PRDM2: variants seen among roughly 807,000 people sequenced by gnomAD.
PRDM2 encodes the protein PR domain zinc finger protein 2.
PRDM2 carries 30 observed loss-of-function variants against 130.0 expected under a neutral mutation model. That is an observed-to-expected ratio of 0.23 (90% CI 0.17 to 0.31). The LOEUF is 0.31. Among genes scored for constraint, PRDM2 ranks in the 10% least tolerant of loss-of-function variants. The pLI is 1.00. For missense variants in PRDM2, 2,011 were observed against 2,108.4 expected (o/e 0.95, Z 0.90); for synonymous variants, 871 against 782.4 (o/e 1.11, Z -1.89).
chr1:13,780,617 C>T lies in PRDM2; in HGVS notation c.2822C>T (p.Thr941Ile), dbSNP rs112801771. 1,834 of 1,613,970 alleles carry T rather than the reference C, an allele frequency of 1.1e-3. 24 individuals are homozygous for T. In the African/African-American group the frequency reaches 0.021, roughly 18 times the overall value. Residue 941 changes from threonine to isoleucine, a missense_variant, in exon 8 of 10, where the codon ACA (threonine) becomes ATA (isoleucine). Coordinates refer to ENST00000311066, the MANE Select transcript of PRDM2 (RefSeq NM_001393986.1). ...SGFPAPTVES[T>I]PDVCPSSPAL... ...TTCCCTGCCCCTACTGTTGAGTCCACACCTGATGTTTGTCCTTCATCACCT... is the reference window on the plus strand; with the variant it reads ...TTCCCTGCCCCTACTGTTGAGTCCATACCTGATGTTTGTCCTTCATCACCT...
chr1:13,728,478 C>T (rs1642997648), intron 2 of PRDM2, among the ~76,000 whole-genome samples: 1 of 152,180 alleles, frequency 6.6e-6, no homozygotes, highest in African/African-American at 2.4e-5. Flanking sequence ...ATAGCCACGG[C>T]CATGGAGAGT....
In PRDM2 at chr1:13,773,140, A is replaced by ACAAGTGAGCC. The variant is rs1477334962; in HGVS notation, c.575_584dup (p.Asp196LysfsTer2). 1 of 1,579,194 alleles carries ACAAGTGAGCC rather than the reference A, an allele frequency of 6.3e-7. No individual in the cohort carries two copies. The highest frequency in any genetic ancestry group is 8.6e-7 in the Non-Finnish European group (1 of 1,167,060). ...CAAAATCCAAGACATACAACTGAAG[A>ACAAGTGAGCC]CAAGTGAGCCAGATTTCACCTCTGC... is the stretch of plus-strand genomic sequence containing the variant. On this transcript the variant is annotated frameshift_variant, in exon 7 of 10. Transcript: ENST00000311066. LOFTEE classifies it high-confidence loss of function.
In PRDM2 at chr1:13,742,045, C is replaced by G. The variant is rs146971236; in HGVS notation, c.272C>G (p.Thr91Ser). Residue 91 changes from threonine to serine, a missense_variant, in exon 5 of 10, where the codon ACT becomes AGT. This residue lies in a region of PRDM2 where 1,288 missense variants were observed against 1,237.7 expected (regional missense o/e 1.04). Transcript: ENST00000311066. ...TTGGGATGGATGTGCATTGATGCCACTGATCCAGAGAAGGGAAACTGGCTG... is the reference window on the plus strand; with the variant it reads ...TTGGGATGGATGTGCATTGATGCCAGTGATCCAGAGAAGGGAAACTGGCTG... The part of the protein sequence containing the change: ...PNLGWMCIDA[T>S]DPEKGNWLRY... 33 of 1,595,004 alleles carry G rather than the reference C, an allele frequency of 2.1e-5. No homozygotes were observed. In the African/African-American group the frequency reaches 4.3e-4, roughly 21 times the overall value.
chr1:13,716,459 A>G (rs1468195687), intron 2 of PRDM2, among the ~76,000 whole-genome samples: 2 of 152,232 alleles, frequency 1.3e-5, no homozygotes. Context: ...ATAATAAAAA[A>G]ATAAAAAAAA....
intron 6 of PRDM2, chr1:13,772,355 G>A (rs1644378867): frequency 1.3e-5 from 2 of 152,182 alleles, no homozygotes; most frequent in African/African-American, 2.4e-5. Context: ...TCCAACTTAT[G>A]AGAACGATGT....
chr1:13,775,906 T>G (rs894648142), intron 7 of PRDM2, among the ~76,000 whole-genome samples: 5 of 152,146 alleles, frequency 3.3e-5, no homozygotes, highest in African/African-American at 1.2e-4. Flanking sequence ...CAGATGGCAG[T>G]CTCCTGCTTT....
At chr1:13,793,705 C>T (rs1168583520) in intron 8 of PRDM2, among the ~76,000 whole-genome samples, 1 of 152,162 alleles carries the variant, frequency 6.6e-6, no homozygotes, top group Admixed American at 6.5e-5. Flanking sequence ...TGAGTCCCGG[C>T]TCATGGAGAG....
intron 6 of PRDM2, among the ~76,000 whole-genome samples, chr1:13,751,636 G>A (rs1160723270): frequency 1.3e-5 from 2 of 150,900 alleles, no homozygotes; most frequent in Admixed American, 6.6e-5. Flanking sequence ...CAACATAAAT[G>A]TCATTCAGAG....
chr1:13,733,471 G>C (rs142929567), intron 4 of PRDM2, among the ~76,000 whole-genome samples: 9 of 152,182 alleles, frequency 5.9e-5, no homozygotes, highest in African/African-American at 2.2e-4. Context: ...TCCCTGGGGG[G>C]CTCCACCCGG....
At position 13,810,379 on chromosome 1, in the gene PRDM2, C is replaced by A. The variant is rs528087215; in HGVS notation, c.5037-6048C>A. On this transcript the variant is annotated intron_variant, in intron 8 of 9. Coordinates refer to ENST00000311066, the MANE Select transcript of PRDM2 (RefSeq NM_001393986.1). ...ACAGCTCTTTTCTTCCTCTTCTATTCATTTTGCTGCTTCTGATTGGCTGTG... is the reference window on the plus strand; with the variant it reads ...ACAGCTCTTTTCTTCCTCTTCTATTAATTTTGCTGCTTCTGATTGGCTGTG... Among the ~76,000 whole-genome samples, 3 of 152,308 alleles carry A rather than the reference C, an allele frequency of 2.0e-5. No homozygotes were observed. In the South Asian group the frequency reaches 6.2e-4, roughly 32 times the overall value.
chr1:13,775,392 T>C (rs976336778), intron 7 of PRDM2, among the ~76,000 whole-genome samples: 15 of 152,248 alleles, frequency 9.9e-5, no homozygotes, highest in African/African-American at 3.1e-4. Context: ...TCAACTCTTT[T>C]GGCAGTATTC....
intron 8 of PRDM2, among the ~76,000 whole-genome samples, chr1:13,785,222 G>A (rs1323687515): frequency 2.6e-5 from 4 of 152,146 alleles, no homozygotes; most frequent in Non-Finnish European, 4.4e-5. Context: ...TGTAAATTTC[G>A]TGTAGGGATG....
chr1:13,750,258 C>CTT (rs955705811), intron 6 of PRDM2, among the ~76,000 whole-genome samples: 12 of 141,532 alleles, frequency 8.5e-5, no homozygotes, highest in Non-Finnish European at 1.7e-4. Flanking sequence ...CACGTTGGGG[C>CTT]TTTTTTTTTT....
intron 8 of PRDM2, chr1:13,787,877 A>T: frequency 1.0e-6 from 1 of 984,466 alleles, no homozygotes. Flanking sequence ...TAACCAATGT[A>T]GCACTGAGAG....
chr1:13,729,785 CGA>C (rs1269842117), intron 2 of PRDM2, among the ~76,000 whole-genome samples: 8 of 152,128 alleles, frequency 5.3e-5, no homozygotes, highest in Non-Finnish European at 1.2e-4. Flanking sequence ...CGGCTCTGCA[CGA>C]GAGACAAACC....
intron 1 of PRDM2, among the ~76,000 whole-genome samples, chr1:13,713,518 A>T (rs572968055): frequency 6.6e-6 from 1 of 152,238 alleles, no homozygotes; most frequent in Admixed American, 6.5e-5. Context: ...CATAAATGAT[A>T]GTGATGATGA....
intron 4 of PRDM2, among the ~76,000 whole-genome samples, chr1:13,739,417 TCTGGTTATCTTTG>T (rs1252089276): frequency 6.6e-6 from 1 of 152,188 alleles, no homozygotes; most frequent in Non-Finnish European, 1.5e-5. Flanking sequence ...TTCCACAACA[TCTGGTTATCTTTG>T]CTGTCTTCTA....
Position 13,782,409 on chromosome 1 carries a change from C to T in PRDM2, c.4614C>T (p.Ser1538=). 1.2e-6 allele frequency: 2 copies of T among 1,614,002 alleles called. No homozygotes were observed. The highest frequency in any genetic ancestry group is 1.7e-6 in the Non-Finnish European group (2 of 1,180,038). ...CGTTGGGCAAGACCAGAGCCCGCAG[C>T]TCAGGCCCCACCCAAGTCCCACTTC... The part of the protein sequence containing the change: ...QTPLGKTRAR[S]SGPTQVPLPS... The change falls in exon 8 of 10, where the codon AGC becomes AGT. Residue 1538 remains serine (S), a synonymous_variant. Coordinates refer to ENST00000311066, the MANE Select transcript of PRDM2 (RefSeq NM_001393986.1).
Position 13,782,385 on chromosome 1 carries a change from G to A in PRDM2, c.4590G>A (p.Pro1530=), listed in dbSNP as rs372617750. ...AEIKMQSMQT[P]LGKTRARSSG... is the part of the protein sequence containing the mutation. ...TTAAAATGCAAAGCATGCAGACTCCGTTGGGCAAGACCAGAGCCCGCAGCT... is the reference window on the plus strand; with the variant it reads ...TTAAAATGCAAAGCATGCAGACTCCATTGGGCAAGACCAGAGCCCGCAGCT... Residue 1530 remains proline, a synonymous_variant, in exon 8 of 10, where the codon CCG becomes CCA. Transcript: ENST00000311066. The A allele has an allele frequency of 1.1e-5, 17 of 1,613,640 alleles. No homozygotes were observed. Among genetic ancestry groups the A allele is most frequent in the Middle Eastern group, 1.6e-4 (1 of 6,084 alleles).
Sources: allele counts gnomAD v4.1 joint callset (sites outside exome capture counted in the v4.1 genomes callset), GRCh38; gene constraint gnomAD v4.1.1; regional missense constraint gnomAD v4.1.1; transcripts MANE v1.5; gene names NCBI Gene and HGNC (gene_info 2026-07-23, HGNC 2026-07-21).